Variants in ADAMTS20 observed in about 807,000 individuals in gnomAD.
ADAMTS20 encodes the protein A disintegrin and metalloproteinase with thrombospondin motifs 20.
A neutral mutation model predicts 260.1 loss-of-function variants in ADAMTS20; 225 were observed. The observed-to-expected ratio is 0.87, with a 90% confidence interval of 0.78 to 0.97. ADAMTS20 has a LOEUF of 0.97. Ranked by LOEUF, ADAMTS20 falls within the 50% of genes least tolerant of loss-of-function variation. ADAMTS20 has a pLI of 0.00. For synonymous variants in ADAMTS20, 802 were observed against 769.5 expected (o/e 1.04, Z -0.70); for missense variants, 2,400 against 2,337.7 (o/e 1.03, Z -0.55).
chr12:43,528,969 T>C (rs183132931), intron 3 of ADAMTS20, among the ~76,000 whole-genome samples: 1 of 151,764 alleles, frequency 6.6e-6, no homozygotes, highest in East Asian at 1.9e-4. Context: ...AAAAAGCAAA[T>C]AATTCCATTA....
intron 11 of ADAMTS20, among the ~76,000 whole-genome samples, chr12:43,461,125 G>C (rs571374961): frequency 6.7e-6 from 1 of 150,014 alleles, no homozygotes; most frequent in African/African-American, 2.5e-5. Flanking sequence ...TGAGTAGCTG[G>C]GATTACAGGC....
At chr12:43,373,390 T>C (rs1189043758) in intron 36 of ADAMTS20, among the ~76,000 whole-genome samples, 1 of 152,204 alleles carries the variant, frequency 6.6e-6, no homozygotes, top group Non-Finnish European at 1.5e-5. Flanking sequence ...CCAATATTTA[T>C]AGAGCATGTA....
intron 3 of ADAMTS20, among the ~76,000 whole-genome samples, chr12:43,515,363 C>T (rs1248221123): frequency 6.6e-6 from 1 of 152,100 alleles, no homozygotes; most frequent in East Asian, 1.9e-4. Context: ...TTGTTATTAA[C>T]TCTGTAATTT....
At chr12:43,481,015 A>G (rs1412274230) in intron 7 of ADAMTS20, among the ~76,000 whole-genome samples, 1 of 152,196 alleles carries the variant, frequency 6.6e-6, no homozygotes, top group Non-Finnish European at 1.5e-5. Context: ...GCTTGATTTA[A>G]TCATTCCACA....
chr12:43,425,440 A>G (rs771374923), intron 28 of ADAMTS20, 74 bp downstream of exon 28: 3 of 1,256,340 alleles, frequency 2.4e-6, no homozygotes, highest in Non-Finnish European at 2.1e-6. Context: ...AAGAAAAGAA[A>G]AACAATGAAC....
At chr12:43,376,794 A>G in intron 32 of ADAMTS20, 141 bp from the exon 33 acceptor site, 1 of 954,118 alleles carries the variant, frequency 1.0e-6, no homozygotes, top group Non-Finnish European at 1.5e-6. Flanking sequence ...ACACAAAACT[A>G]TGCTGGGGGC....
chr12:43,522,634 C>A (rs1943087947), intron 3 of ADAMTS20, among the ~76,000 whole-genome samples: 2 of 152,126 alleles, frequency 1.3e-5, no homozygotes, highest in South Asian at 4.1e-4. Flanking sequence ...AATTCAGAGG[C>A]TTTGTTTCAT....
At chr12:43,549,483 T>C (rs1162413238) in intron 2 of ADAMTS20, among the ~76,000 whole-genome samples, 2 of 152,172 alleles carry the variant, frequency 1.3e-5, no homozygotes, top group South Asian at 2.1e-4. Flanking sequence ...TGAATAATAA[T>C]TTAACTACAT....
chr12:43,539,060 C>G (rs1364924557), intron 2 of ADAMTS20, among the ~76,000 whole-genome samples: 1 of 150,392 alleles, frequency 6.6e-6, no homozygotes, highest in Non-Finnish European at 1.5e-5. Context: ...TCAAGCAATT[C>G]TCCTGCCTCA....
chr12:43,529,859 T>C (rs935581853), intron 3 of ADAMTS20, among the ~76,000 whole-genome samples: 4 of 151,122 alleles, frequency 2.6e-5, no homozygotes, highest in African/African-American at 9.9e-5. Context: ...ACATGTGAAC[T>C]GAGGGAGGAA....
At chr12:43,375,599 A>G in intron 35 of ADAMTS20, 87 bp from the exon 36 acceptor site, 3 of 1,392,840 alleles carry the variant, frequency 2.2e-6, no homozygotes, top group Non-Finnish European at 3.0e-6. Context: ...AATAAAACAC[A>G]CTCCTGCTCT....
At chr12:43,482,160 C>T (rs1049671441) in intron 7 of ADAMTS20, among the ~76,000 whole-genome samples, 7 of 152,200 alleles carry the variant, frequency 4.6e-5, no homozygotes, top group Non-Finnish European at 8.8e-5. Flanking sequence ...CAACGAACCT[C>T]GCAAAAGTTG....
At chr12:43,538,405 A>T (rs1943326617) in intron 2 of ADAMTS20, among the ~76,000 whole-genome samples, 1 of 152,168 alleles carries the variant, frequency 6.6e-6, no homozygotes, top group African/African-American at 2.4e-5. Flanking sequence ...CTCCTTATAT[A>T]TTCTGGTTAT....
At chr12:43,454,094 T>G in intron 11 of ADAMTS20, 42 bp from the exon 12 acceptor site, 1 of 1,583,104 alleles carries the variant, frequency 6.3e-7, no homozygotes, top group Non-Finnish European at 8.6e-7. Flanking sequence ...TGTGTGTCTC[T>G]AATTAGAACA....
intron 11 of ADAMTS20, among the ~76,000 whole-genome samples, chr12:43,455,280 A>AT (rs1285766697): frequency 6.6e-6 from 1 of 152,268 alleles, no homozygotes; most frequent in African/African-American, 2.4e-5. Flanking sequence ...GTGCTGCTAT[A>AT]TAAGAATACC....
chr12:43,519,127 C>T (rs866935438), intron 3 of ADAMTS20, among the ~76,000 whole-genome samples: 9 of 152,022 alleles, frequency 5.9e-5, no homozygotes, highest in Admixed American at 1.3e-4. Flanking sequence ...CAGTAGCTTC[C>T]ACTGTTAGAG....
At position 43,427,297 on chromosome 12, in the gene ADAMTS20, TTA is replaced by T. The variant is rs778724357; in HGVS notation, c.4107+9_4107+10del. 3.4e-5 allele frequency: 54 copies of T among 1,611,514 alleles called. No homozygotes were observed. Among genetic ancestry groups the T allele is most frequent in the Non-Finnish European group, 4.5e-5 (53 of 1,179,042 alleles). The stretch of plus-strand genomic sequence containing the variant: ...AATAATCTCACAAGTTTAGAAAATA[TTA>T]TGACTTACTTCTCCCCAATTTCCGT... On this transcript the variant is annotated intron_variant, in intron 27 of 38. Transcript: ENST00000389420.
intron 37 of ADAMTS20, among the ~76,000 whole-genome samples, chr12:43,360,769 C>T (rs573664602): frequency 9.9e-5 from 15 of 152,200 alleles, no homozygotes; most frequent in Middle Eastern, 3.4e-3. Context: ...AAAGTAAGGA[C>T]ATGATCTAAA....
chr12:43,360,086 A>AT (rs1441920153), intron 37 of ADAMTS20, among the ~76,000 whole-genome samples: 4 of 141,692 alleles, frequency 2.8e-5, no homozygotes, highest in South Asian at 2.1e-4. Flanking sequence ...ACCAGAACAT[A>AT]TAAAAAAACT....
Sources: allele counts gnomAD v4.1 joint callset (sites outside exome capture counted in the v4.1 genomes callset), GRCh38; gene constraint gnomAD v4.1.1; transcripts MANE v1.5; gene names NCBI Gene and HGNC (gene_info 2026-07-23, HGNC 2026-07-21).